SASH3: variants seen among roughly 807,000 people sequenced by gnomAD.
SASH3 encodes SAM and SH3 domain containing 3.
In SASH3, 7 loss-of-function variants were observed where a neutral mutation model predicts 26.1. The observed-to-expected ratio is 0.27, with a 90% CI of 0.15 to 0.50. SASH3 has a LOEUF of 0.50. Among genes scored for constraint, SASH3 ranks in the 20% least tolerant of loss-of-function variants. The pLI is 0.98. For missense variants in SASH3, 231 were observed against 318.3 expected (o/e 0.73, Z 2.09); for synonymous variants, 138 against 136.8 (o/e 1.01, Z -0.06).
intron 2 of SASH3, 101 bp from the exon 3 acceptor site, chrX:129,788,330 C>T (rs1317336212): frequency 1.1e-6 from 1 of 904,924 alleles, no homozygotes; most frequent in African/African-American, 2.0e-5. Flanking sequence ...TCAGTTCCAC[C>T]CCCTCCAGCT....
At chrX:129,786,862 G>A (rs1927116179) in intron 1 of SASH3, among the ~76,000 whole-genome samples, 3 of 110,331 alleles carry the variant, frequency 2.7e-5, no homozygotes, top group African/African-American at 9.9e-5. Flanking sequence ...GGGCCTGGTG[G>A]CAGGCACCTG....
rs1245179297 is a variant in SASH3 at position 129,788,016 on chromosome X, A to G, written c.99A>G (p.Lys33=). 2 of 1,209,315 alleles carry G rather than the reference A, an allele frequency of 1.7e-6. No homozygotes were observed. Among genetic ancestry groups the G allele is most frequent in the Admixed American group, 4.4e-5 (2 of 45,785 alleles). ...QRSSSFKDFA[K]SKPSSPVVSE... is the part of the protein sequence containing the mutation. ...CCAGCAGCTTCAAGGATTTTGCCAA[A>G]TCCAAACCCAGCTCCCCCGTGGTGA... The change falls in exon 2 of 8, where the codon AAA becomes AAG. Residue 33 remains lysine, a synonymous_variant. Transcript: ENST00000356892.
Position 129,791,078 on chromosome X carries a change from A to G in SASH3, c.439A>G (p.Thr147Ala). ...TCCGGTGCTCAGCCGCCAGGCATCA[A>G]CAGGTGAGTAGGGGATGCGGGGGAC... ...ELPVLSRQAS[T>A]GSELCSPSPG... Residue 147 changes from threonine to alanine, a missense_variant, in exon 4 of 8, where the codon ACA (threonine) becomes GCA (alanine). Physicochemically the swap from Thr to Ala is moderately conservative, Grantham distance 58 (BLOSUM62 0). Coordinates refer to ENST00000356892, the MANE Select transcript of SASH3 (RefSeq NM_018990.4). 5.8e-6 allele frequency: 7 copies of G among 1,210,453 alleles called. No homozygotes were observed. Among genetic ancestry groups the G allele is most frequent in the Non-Finnish European group, 7.8e-6 (7 of 894,771 alleles).
At chrX:129,792,092 T>A (rs1309308293) in intron 4 of SASH3, among the ~76,000 whole-genome samples, 6 of 111,910 alleles carry the variant, frequency 5.4e-5, no homozygotes, top group Non-Finnish European at 1.1e-4. Flanking sequence ...CCATTTCTCC[T>A]CCCATTGCCA....
At chrX:129,790,121 A>C (rs1927204492) in intron 3 of SASH3, among the ~76,000 whole-genome samples, 1 of 111,617 alleles carries the variant, frequency 9.0e-6, no homozygotes, top group African/African-American at 3.3e-5. Context: ...AAGGTAATAC[A>C]GTAAATCTTC....
At chrX:129,791,907 G>T (rs1434256369) in intron 4 of SASH3, among the ~76,000 whole-genome samples, 1 of 112,096 alleles carries the variant, frequency 8.9e-6, no homozygotes, top group Non-Finnish European at 1.9e-5. Context: ...GTTGGAGTGG[G>T]TATCAGGGAA....
chrX:129,780,690 G>A (rs1926999911), intron 1 of SASH3, among the ~76,000 whole-genome samples: 1 of 112,877 alleles, frequency 8.9e-6, no homozygotes, highest in South Asian at 3.6e-4. Flanking sequence ...CTCTGTGGTA[G>A]CTCCCAGGCC....
At chrX:129,786,866 G>A (rs776617684) in intron 1 of SASH3, among the ~76,000 whole-genome samples, 10 of 110,151 alleles carry the variant, frequency 9.1e-5, no homozygotes, top group Non-Finnish European at 1.5e-4. Flanking sequence ...CTGGTGGCAG[G>A]CACCTGTAGT....
At position 129,780,123 on chromosome X, in the gene SASH3, C is replaced by T. The variant is rs201637179; in HGVS notation, c.26C>T (p.Ala9Val). 1.1e-5 allele frequency: 13 copies of T among 1,208,902 alleles called. No homozygotes were observed. The East Asian group carries it at 3.9e-4, about 36-fold the overall frequency. Residue 9 changes from alanine (A) to valine (V), a missense_variant, in exon 1 of 8, where the codon GCC becomes GTC. By Grantham distance (64) the Ala-to-Val change is moderately conservative. Coordinates refer to ENST00000356892, the MANE Select transcript of SASH3 (RefSeq NM_018990.4). MLRRKPSN[A>V]SEKEPTQKKK... is the part of the protein sequence containing the mutation. ...ATGCTGCGCCGCAAGCCCTCCAATGCCAGTGAGAAGGAGCCCACTCAGAAG... is the reference window on the plus strand; with the variant it reads ...ATGCTGCGCCGCAAGCCCTCCAATGTCAGTGAGAAGGAGCCCACTCAGAAG...
intron 3 of SASH3, among the ~76,000 whole-genome samples, chrX:129,789,002 T>C (rs769756627): frequency 7.4e-4 from 80 of 107,446 alleles, no homozygotes; most frequent in Non-Finnish European, 1.4e-3. Context: ...ACTCAGAGAC[T>C]GAGGCAGGAG....
intron 1 of SASH3, among the ~76,000 whole-genome samples, chrX:129,783,183 C>T (rs1927047148): frequency 9.0e-6 from 1 of 111,536 alleles, no homozygotes; most frequent in Non-Finnish European, 1.9e-5. Context: ...ATAGCCTTTT[C>T]TACTCCCCCA....
chrX:129,783,214 C>T (rs1294359628), intron 1 of SASH3, among the ~76,000 whole-genome samples: 1 of 111,345 alleles, frequency 9.0e-6, no homozygotes, highest in Non-Finnish European at 1.9e-5. Flanking sequence ...CATCATCAGG[C>T]TCTCAACGTC....
At chrX:129,789,526 A>G (rs1368836181) in intron 3 of SASH3, among the ~76,000 whole-genome samples, 1 of 111,014 alleles carries the variant, frequency 9.0e-6, no homozygotes, top group Non-Finnish European at 1.9e-5. Context: ...AATCCCAGAT[A>G]CTCGGGAGGC....
At chrX:129,788,168 G>A (rs1264962213) in intron 2 of SASH3, 98 bp downstream of exon 2, 2 of 710,026 alleles carry the variant, frequency 2.8e-6, no homozygotes, top group African/African-American at 2.1e-5. Flanking sequence ...GAATTGTTGG[G>A]GCGAAGCCCC....
intron 4 of SASH3, among the ~76,000 whole-genome samples, chrX:129,791,734 C>T (rs1418140506): frequency 8.9e-6 from 1 of 112,520 alleles, no homozygotes; most frequent in Non-Finnish European, 1.9e-5. Context: ...TCCACAGACA[C>T]TTCCCTGCCC....
At position 129,794,625 on chromosome X, in the gene SASH3, T is replaced by G. The variant is rs191460836; in HGVS notation, c.*793T>G. ...TGGCTCCTCCTACTCACCCACTTTA[T>G]TCCTCTCCATGTAATTCAGGACAAG... On this transcript the variant is annotated 3_prime_UTR_variant, in exon 8 of 8. Transcript: ENST00000356892. 9.0e-6 allele frequency: 1 copy of G among 111,584 alleles called. No homozygotes were observed. Among genetic ancestry groups the G allele is most frequent in the African/African-American group, 3.3e-5 (1 of 30,626 alleles). 9.2% of individuals were successfully genotyped at this position (111,584 alleles called of 1,213,427 possible). A position where few individuals can be genotyped will look rare whatever the true frequency, so the allele number is the denominator to read the frequency against.
In SASH3 at chrX:129,793,887, G is replaced by C. The variant is rs1252523777; in HGVS notation, c.*55G>C. On this transcript the variant is annotated 3_prime_UTR_variant, in exon 8 of 8. Coordinates refer to ENST00000356892, the MANE Select transcript of SASH3 (RefSeq NM_018990.4). ...ACCCAGCTGCAAAGGCTGTAGGAGT[G>C]GGCCCAGCCTCCCGTGGTGGCCCAG... 2 of 1,067,408 alleles carry C rather than the reference G, an allele frequency of 1.9e-6. No individual in the cohort carries two copies. Among genetic ancestry groups the C allele is most frequent in the Non-Finnish European group, 2.5e-6 (2 of 790,585 alleles). The allele number at this position is 1,067,408 out of a possible 1,213,427, so 88.0% of individuals were successfully genotyped here.
At chrX:129,783,052 C>T (rs1927045235) in intron 1 of SASH3, among the ~76,000 whole-genome samples, 2 of 111,515 alleles carry the variant, frequency 1.8e-5, no homozygotes, top group African/African-American at 3.3e-5. Flanking sequence ...CTCCATGGCT[C>T]CCTTCCTACA....
chrX:129,788,582 GGCCT>G lies in SASH3; in HGVS notation c.300+8_300+11del. On this transcript the variant is annotated splice_donor_region_variant and intron_variant, in intron 3 of 7. Transcript: ENST00000356892. Reference sequence around the variant, plus strand: ...AAGGCCCTGTCAGAAGAGATGGTGAGGCCTGCAGATATAGGGGATGGGGTGTCCA... The same window carrying G: ...AAGGCCCTGTCAGAAGAGATGGTGAGGCAGATATAGGGGATGGGGTGTCCA... The G allele has an allele frequency of 8.3e-7, 1 of 1,210,874 alleles. No homozygotes were observed. Among genetic ancestry groups the G allele is most frequent in the Non-Finnish European group, 1.1e-6 (1 of 894,590 alleles).
Sources: gnomAD v4.1 joint callset for allele counts (sites outside exome capture counted in the v4.1 genomes callset) on GRCh38, gnomAD v4.1.1 for gene constraint, MANE v1.5 for transcripts, NCBI Gene and HGNC (gene_info 2026-07-23, HGNC 2026-07-21) for gene names.